TTLL5: variants seen among roughly 807,000 people sequenced by gnomAD.
TTLL5 encodes the protein tubulin tyrosine ligase like 5.
In TTLL5, 132 loss-of-function variants were observed where a neutral mutation model predicts 168.4. The observed-to-expected ratio is 0.78, with a 90% CI of 0.68 to 0.91. TTLL5 has a LOEUF of 0.91. Among genes scored for constraint, TTLL5 ranks in the 40% least tolerant of loss-of-function variants. TTLL5 has a pLI of 0.00. For missense variants in TTLL5, 1,545 were observed against 1,581.5 expected, an observed-to-expected ratio of 0.98 and a Z score of 0.39; for synonymous variants, 546 against 558.6, an observed-to-expected ratio of 0.98 and a Z score of 0.32.
chr14:75,950,144 G>C (rs2034915357), intron 31 of TTLL5, among the ~76,000 whole-genome samples: 1 of 152,102 alleles, frequency 6.6e-6, no homozygotes, highest in African/African-American at 2.4e-5. Flanking sequence ...AATAACTTAC[G>C]ACCAAGACAC....
chr14:75,830,557 A>G (rs1895503137), intron 28 of TTLL5, among the ~76,000 whole-genome samples: 1 of 152,226 alleles, frequency 6.6e-6, no homozygotes, highest in Non-Finnish European at 1.5e-5. Context: ...AAATATATAC[A>G]GTTTTTATTT....
chr14:75,897,316 G>A (rs146278345), intron 30 of TTLL5, among the ~76,000 whole-genome samples: 1 of 152,174 alleles, frequency 6.6e-6, no homozygotes, highest in African/African-American at 2.4e-5. Context: ...AAGAGATTTT[G>A]CCTTCATAGA....
intron 12 of TTLL5, among the ~76,000 whole-genome samples, chr14:75,729,272 C>G (rs1347057772): frequency 6.6e-6 from 1 of 152,084 alleles, no homozygotes; most frequent in African/African-American, 2.4e-5. Flanking sequence ...TAGCTTGCAC[C>G]CATTCATGAC....
At chr14:75,839,305 C>G (rs1027500246) in intron 28 of TTLL5, among the ~76,000 whole-genome samples, 1 of 152,174 alleles carries the variant, frequency 6.6e-6, no homozygotes, top group African/African-American at 2.4e-5. Context: ...TTTTCCATAG[C>G]TGCAGCACCA....
intron 2 of TTLL5, among the ~76,000 whole-genome samples, chr14:75,664,833 A>C (rs1240018418): frequency 6.6e-6 from 1 of 152,154 alleles, no homozygotes; most frequent in African/African-American, 2.4e-5. Flanking sequence ...TTCCCTTTTT[A>C]AAGGTTGTTC....
intron 15 of TTLL5, among the ~76,000 whole-genome samples, chr14:75,735,604 G>A (rs934979994): frequency 2.8e-4 from 42 of 152,058 alleles, no homozygotes; most frequent in Non-Finnish European, 5.0e-4. Flanking sequence ...GCACAGAAAA[G>A]GAGCCTATTA....
chr14:75,888,492 A>T (rs1427572795), intron 30 of TTLL5, among the ~76,000 whole-genome samples: 1 of 152,186 alleles, frequency 6.6e-6, no homozygotes, highest in Non-Finnish European at 1.5e-5. Context: ...GCAGGAATTT[A>T]TGCTAACCTC....
chr14:75,921,564 G>A (rs987314377), intron 31 of TTLL5, among the ~76,000 whole-genome samples: 2 of 152,102 alleles, frequency 1.3e-5, no homozygotes, highest in African/African-American at 4.8e-5. Flanking sequence ...TGAGGCCTCC[G>A]TTCTGTTCCA....
At chr14:75,906,217 A>G (rs2033141336) in intron 31 of TTLL5, among the ~76,000 whole-genome samples, 3 of 152,210 alleles carry the variant, frequency 2.0e-5, no homozygotes, top group Admixed American at 2.0e-4. Flanking sequence ...AGCTCTCAAC[A>G]GAATGGCCTA....
intron 7 of TTLL5, among the ~76,000 whole-genome samples, chr14:75,702,315 C>T (rs1886327170): frequency 6.6e-6 from 1 of 152,168 alleles, no homozygotes; most frequent in South Asian, 2.1e-4. Context: ...GTGTTGAAGG[C>T]CCCTCTCCAA....
At chr14:75,719,882 T>C in intron 11 of TTLL5, 56 bp downstream of exon 11, 5 of 1,528,318 alleles carry the variant, frequency 3.3e-6, no homozygotes, top group South Asian at 1.1e-5. Flanking sequence ...ACTTTATCAT[T>C]GTCTCTTGCC....
chr14:75,816,039 G>A (rs1401830861), intron 27 of TTLL5, among the ~76,000 whole-genome samples: 1 of 152,236 alleles, frequency 6.6e-6, no homozygotes, highest in African/African-American at 2.4e-5. Context: ...GCCACTTACA[G>A]GTGTGTGACT....
rs192414129 is a variant in TTLL5, at chr14:75,688,046, G to A, written c.372-2146G>A. On this transcript the variant is annotated intron_variant, in intron 5 of 31. Coordinates refer to ENST00000298832, the MANE Select transcript of TTLL5 (RefSeq NM_015072.5). ...GTGAAATATGTAGTTAGTCTTCCTC[G>A]TGTTTCCTGACATATAACTCCTTGG... is the stretch of plus-strand genomic sequence containing the variant. 5.3e-5 allele frequency among the ~76,000 whole-genome samples: 8 copies of A among 152,224 alleles called. No individual in the cohort carries two copies. In the East Asian group the frequency reaches 1.2e-3, roughly 22 times the overall value.
intron 7 of TTLL5, among the ~76,000 whole-genome samples, chr14:75,700,290 G>A (rs1886174271): frequency 1.3e-5 from 2 of 152,196 alleles, no homozygotes; most frequent in Admixed American, 1.3e-4. Context: ...GGTAGCAGCA[G>A]ATGCCAGGGA....
At chr14:75,817,592 G>GA (rs562947025) in intron 27 of TTLL5, among the ~76,000 whole-genome samples, 6 of 151,436 alleles carry the variant, frequency 4.0e-5, no homozygotes, top group Non-Finnish European at 8.8e-5. Context: ...AATTTTTAGG[G>GA]AAAAAAAATC....
intron 31 of TTLL5, among the ~76,000 whole-genome samples, chr14:75,919,258 C>T (rs1226636408): frequency 6.8e-6 from 1 of 147,054 alleles, no homozygotes; most frequent in African/African-American, 2.5e-5. Context: ...TCCTTGTGCT[C>T]AGGTCTTTGC....
intron 17 of TTLL5, among the ~76,000 whole-genome samples, chr14:75,746,508 A>T (rs897836371): frequency 2.7e-5 from 4 of 147,888 alleles, no homozygotes; most frequent in African/African-American, 9.9e-5. Flanking sequence ...TTTTTTTCCC[A>T]GCTTGCTTTT....
chr14:75,926,339 C>T (rs1268762768), intron 31 of TTLL5, among the ~76,000 whole-genome samples: 1 of 151,674 alleles, frequency 6.6e-6, no homozygotes, highest in African/African-American at 2.4e-5. Context: ...GGGCATTTAG[C>T]CCATTTACAT....
chr14:75,883,958 T>G (rs2031958074), intron 30 of TTLL5, among the ~76,000 whole-genome samples: 1 of 152,206 alleles, frequency 6.6e-6, no homozygotes, highest in Non-Finnish European at 1.5e-5. Flanking sequence ...CCAGACTGCC[T>G]GGATTCACAT....
Sources: allele counts gnomAD v4.1 joint callset (sites outside exome capture counted in the v4.1 genomes callset), GRCh38; gene constraint gnomAD v4.1.1; transcripts MANE v1.5; gene names NCBI Gene and HGNC (gene_info 2026-07-23, HGNC 2026-07-21).